Variants in RASGRF2 observed in about 807,000 individuals in gnomAD.
RASGRF2 encodes ras-specific guanine nucleotide-releasing factor 2.
Under a neutral mutation model 151.0 loss-of-function variants are expected in RASGRF2, and 76 were observed. The ratio of observed to expected loss-of-function variants is 0.50; its 90% CI spans 0.42 to 0.61. The LOEUF (loss-of-function observed/expected upper bound fraction) is 0.61. Ranked by LOEUF, RASGRF2 falls within the 20% of genes least tolerant of loss-of-function variation. RASGRF2 has a pLI of 0.00. For synonymous variants in RASGRF2, 504 were observed against 566.5 expected (o/e 0.89, Z 1.57); for missense variants, 1,148 against 1,564.6 (o/e 0.73, Z 4.49).
intron 17 of RASGRF2, among the ~76,000 whole-genome samples, chr5:81,144,393 C>T (rs1312206941): frequency 1.3e-5 from 2 of 152,232 alleles, no homozygotes; most frequent in African/African-American, 2.4e-5. Flanking sequence ...CTTATTTATG[C>T]ACCAGCTGTG....
At chr5:81,143,167 G>A (rs773711103) in intron 17 of RASGRF2, among the ~76,000 whole-genome samples, 1 of 151,278 alleles carries the variant, frequency 6.6e-6, no homozygotes, top group Non-Finnish European at 1.5e-5. Flanking sequence ...TTATTTTTTT[G>A]AGATGGAGTC....
intron 24 of RASGRF2, among the ~76,000 whole-genome samples, chr5:81,216,348 T>TACACACACAC (rs10648156): frequency 0.031 from 4,588 of 147,460 alleles, 76 homozygotes; most frequent in Middle Eastern, 0.038. Flanking sequence ...ATTCCCTTTC[T>TACACACACAC]ACACACACAC....
In RASGRF2 at chr5:80,960,384, C is replaced by T. The variant is rs1368784903; in HGVS notation, c.-355C>T. ...GGACAGTCCTTCCCCGGCTGCCGCC[C>T]CAGCCCGCCGCGGGGGCTCGGCTCC... On this transcript the variant is annotated 5_prime_UTR_variant, in exon 1 of 27. Transcript: ENST00000265080. The surrounding 1 kb of genome is among the most constrained non-coding windows in gnomAD (Gnocchi z 5.5). Among the ~76,000 whole-genome samples the T allele has an allele frequency of 6.6e-6, 1 of 151,096 alleles. No individual in the cohort carries two copies. The highest frequency in any genetic ancestry group is 2.4e-5 in the African/African-American group (1 of 41,346).
intron 18 of RASGRF2, among the ~76,000 whole-genome samples, chr5:81,197,429 A>G (rs1036030352): frequency 2.4e-4 from 30 of 127,336 alleles, no homozygotes; most frequent in African/African-American, 7.0e-4. Context: ...GCAGTCCGCA[A>G]TCCGGCCTGG....
chr5:81,212,007 G>A (rs1177170025), intron 22 of RASGRF2, among the ~76,000 whole-genome samples: 2 of 152,134 alleles, frequency 1.3e-5, no homozygotes, highest in Admixed American at 6.5e-5. Flanking sequence ...GCCCCAGGGA[G>A]TGACATCCAT....
chr5:81,115,239 A>C (rs1458527417), intron 15 of RASGRF2, among the ~76,000 whole-genome samples: 1 of 152,190 alleles, frequency 6.6e-6, no homozygotes, highest in African/African-American at 2.4e-5. Flanking sequence ...ATGGAATTTT[A>C]ACTGGAGTGG....
At chr5:81,011,334 C>T (rs1317828526) in intron 1 of RASGRF2, among the ~76,000 whole-genome samples, 2 of 152,112 alleles carry the variant, frequency 1.3e-5, no homozygotes, top group African/African-American at 4.8e-5. Flanking sequence ...ATTTAGCTAT[C>T]GCTTTATTGG....
At chr5:81,051,230 AT>A (rs548379000) in intron 2 of RASGRF2, among the ~76,000 whole-genome samples, 3 of 151,976 alleles carry the variant, frequency 2.0e-5, no homozygotes, top group Non-Finnish European at 2.9e-5. Context: ...TACCTATGGG[AT>A]TTTTTTGACA....
intron 9 of RASGRF2, chr5:81,087,421 G>A (rs1452828004): frequency 3.0e-6 from 2 of 668,812 alleles, no homozygotes; most frequent in Non-Finnish European, 5.5e-6. Flanking sequence ...CGCCCCACAC[G>A]ATATAATTTG....
intron 17 of RASGRF2, among the ~76,000 whole-genome samples, chr5:81,173,254 C>T (rs1222474097): frequency 6.6e-6 from 1 of 151,864 alleles, no homozygotes; most frequent in African/African-American, 2.4e-5. Context: ...GGTGGGTGCC[C>T]GTAATCCCAG....
chr5:81,163,206 A>C (rs1402557437), intron 17 of RASGRF2, among the ~76,000 whole-genome samples: 1 of 152,116 alleles, frequency 6.6e-6, no homozygotes, highest in African/African-American at 2.4e-5. Flanking sequence ...CAGCTGCAGC[A>C]GCAGGAAAAT....
chr5:81,022,826 T>A (rs1423494443), intron 1 of RASGRF2, among the ~76,000 whole-genome samples: 1 of 149,578 alleles, frequency 6.7e-6, no homozygotes, highest in Non-Finnish European at 1.5e-5. Flanking sequence ...CAGCATAGAT[T>A]GGAAAGTGTT....
intron 17 of RASGRF2, among the ~76,000 whole-genome samples, chr5:81,148,986 AT>A (rs1157108781): frequency 6.6e-6 from 1 of 152,176 alleles, no homozygotes; most frequent in Non-Finnish European, 1.5e-5. Context: ...AATGGCCATA[AT>A]TTAAAAATTA....
At chr5:81,194,437 T>C (rs949921826) in intron 18 of RASGRF2, among the ~76,000 whole-genome samples, 4 of 151,098 alleles carry the variant, frequency 2.6e-5, no homozygotes, top group African/African-American at 9.8e-5. Context: ...TTTTTGTTTT[T>C]TGTTCTTTTT....
At chr5:80,981,236 G>A (rs971087877) in intron 1 of RASGRF2, among the ~76,000 whole-genome samples, 2 of 152,072 alleles carry the variant, frequency 1.3e-5, no homozygotes, top group Admixed American at 6.6e-5. Flanking sequence ...CGGGTTCCAA[G>A]TTTTCCAGGA....
chr5:81,043,424 C>G (rs1322962540), intron 2 of RASGRF2, among the ~76,000 whole-genome samples: 1 of 152,150 alleles, frequency 6.6e-6, no homozygotes, highest in Non-Finnish European at 1.5e-5. Flanking sequence ...ATGGCCCTAG[C>G]CTAGCCTACA....
intron 13 of RASGRF2, 143 bp from the exon 14 acceptor site, chr5:81,112,467 G>A: frequency 2.7e-6 from 3 of 1,103,740 alleles, no homozygotes; most frequent in South Asian, 3.0e-5. Context: ...AATACTGAGG[G>A]ACAACTGTGC....
At chr5:81,087,020 C>A in intron 9 of RASGRF2, 67 bp downstream of exon 9, 1 of 1,411,346 alleles carries the variant, frequency 7.1e-7, no homozygotes, top group Non-Finnish European at 1.0e-6. Context: ...CTCGGCACAC[C>A]CCGGAAGGCG....
chr5:81,131,788 G>A (rs1561223388), intron 17 of RASGRF2, among the ~76,000 whole-genome samples: 1 of 151,974 alleles, frequency 6.6e-6, no homozygotes, highest in Non-Finnish European at 1.5e-5. Context: ...GCTATCCAGA[G>A]AATCCATATC....
Sources: allele counts gnomAD v4.1 joint callset (sites outside exome capture counted in the v4.1 genomes callset), GRCh38; gene constraint gnomAD v4.1.1; non-coding constraint Gnocchi (gnomAD v3.1); transcripts MANE v1.5; gene names NCBI Gene and HGNC (gene_info 2026-07-23, HGNC 2026-07-21).